Variants in PHLDA3 observed in about 807,000 individuals in gnomAD.
The protein encoded by PHLDA3 is pleckstrin homology-like domain family A member 3.
In PHLDA3, 12 loss-of-function variants were observed where a neutral mutation model predicts 7.6. The observed-to-expected ratio is 1.58, with a 90% confidence interval of 1.01 to 2.55. The LOEUF is 2.55. Ranked by LOEUF, PHLDA3 falls within the 30% of genes most tolerant of loss-of-function variation. PHLDA3 has a pLI of 0.00. For missense variants in PHLDA3, 177 were observed against 175.6 expected, an observed-to-expected ratio of 1.01 and a Z score of -0.05; for synonymous variants, 104 against 85.1, an observed-to-expected ratio of 1.22 and a Z score of -1.23.
chr1:201,467,700 G>A (rs1223212634), intron 1 of PHLDA3: 1 of 151,730 alleles, frequency 6.6e-6, no homozygotes, highest in Non-Finnish European at 1.4e-5. Flanking sequence ...AGGAGGAGCT[G>A]GATCCCTCAG....
At chr1:201,468,218 G>A in intron 1 of PHLDA3, 123 bp downstream of exon 1, 8 of 720,686 alleles carry the variant, frequency 1.1e-5, no homozygotes, top group Non-Finnish European at 1.7e-5. Flanking sequence ...GCCCTCAGTT[G>A]GCCCCAGGAA....
chr1:201,468,236 C>T lies in PHLDA3; in HGVS notation c.*62+105G>A, dbSNP rs540924562. The T allele has an allele frequency of 2.0e-4, 168 of 851,080 alleles. No homozygotes were observed. In the African/African-American group the frequency reaches 2.5e-3, roughly 13 times the overall value. 52.7% of individuals were successfully genotyped at this position (851,080 alleles called of 1,614,324 possible). ...CTCAGTTGGCCCCAGGAACCTCCCCCCTAAGATGTCCGGCTCTGAAGTAGA... is the reference window on the plus strand; with the variant it reads ...CTCAGTTGGCCCCAGGAACCTCCCCTCTAAGATGTCCGGCTCTGAAGTAGA... On this transcript the variant is annotated intron_variant, in intron 1 of 1. Transcript: ENST00000367311.
At chr1:201,466,639 C>G (rs1663671800) in intron 1 of PHLDA3, 1 of 152,192 alleles carries the variant, frequency 6.6e-6, no homozygotes, top group Non-Finnish European at 1.5e-5. Context: ...CTACTTCTCA[C>G]AAGAAGGGAG....
At chr1:201,466,288 G>T in intron 1 of PHLDA3, 110 bp from the exon 2 acceptor site, 1 of 152,352 alleles carries the variant, frequency 6.6e-6, no homozygotes. Flanking sequence ...CATAAACATG[G>T]AAAACATTTT....
At chr1:201,466,739 C>T (rs796088114) in intron 1 of PHLDA3, 70 of 152,320 alleles carry the variant, frequency 4.6e-4, no homozygotes, top group African/African-American at 1.6e-3. Context: ...GACCACAAAT[C>T]CGCCCCCCAC....
intron 1 of PHLDA3, chr1:201,467,639 T>TACACACACACACACACACACAC: frequency 7.1e-6 from 1 of 140,018 alleles, no homozygotes; most frequent in Admixed American, 7.1e-5. Context: ...CAACAAACCA[T>TACACACACACACACACACACAC]ACACACACAC....
At position 201,465,839 on chromosome 1, in the gene PHLDA3, TG is replaced by T. The variant is rs1288055507; in HGVS notation, c.*401del. 1 of 154,900 alleles carries T rather than the reference TG, an allele frequency of 6.5e-6. No homozygotes were observed. Among genetic ancestry groups the T allele is most frequent in the African/African-American group, 2.4e-5 (1 of 41,486 alleles). The allele number at this position is 154,900 out of a possible 1,614,324, so 9.6% of individuals were successfully genotyped here. A position where few individuals can be genotyped will look rare whatever the true frequency, so the allele number is the denominator to read the frequency against. On this transcript the variant is annotated 3_prime_UTR_variant, in exon 2 of 2. Transcript: ENST00000367311. Reference sequence around the variant, plus strand: ...CCTGAGGCGTTGGCTCGGCACCCCATGGGGGACTGCCCTCCTCCAGGCCTGG... The same window carrying T: ...CCTGAGGCGTTGGCTCGGCACCCCATGGGGACTGCCCTCCTCCAGGCCTGG...
Position 201,468,800 on chromosome 1 carries a change from T to A in PHLDA3, c.-14A>T. ...CGCCGCCGTCATGGGCGCCCCGAGG[T>A]TCGCGGAAAGCTCCAGGCTGCGGCG... On this transcript the variant is annotated 5_prime_UTR_variant, in exon 1 of 2. Transcript: ENST00000367311. 6.5e-7 allele frequency: 1 copy of A among 1,533,598 alleles called. No homozygotes were observed. 95.0% of individuals were successfully genotyped at this position (1,533,598 alleles called of 1,614,324 possible).
chr1:201,468,463 C>T lies in PHLDA3; in HGVS notation c.324G>A (p.Gln108=). Residue 108 remains glutamine, a synonymous_variant, in exon 1 of 2, where the codon CAG becomes CAA. Coordinates refer to ENST00000367311, the MANE Select transcript of PHLDA3 (RefSeq NM_012396.5). ...ITLGLVKFKN[Q]QAIQTVRARQ... Reference sequence around the variant, plus strand: ...GGGCCCGCACTGTCTGGATGGCCTGCTGGTTCTTGAACTTGACCAGGCCTA... The same window carrying T: ...GGGCCCGCACTGTCTGGATGGCCTGTTGGTTCTTGAACTTGACCAGGCCTA... The T allele has an allele frequency of 6.2e-6, 10 of 1,614,174 alleles. No homozygotes were observed. The highest frequency in any genetic ancestry group is 8.5e-6 in the Non-Finnish European group (10 of 1,180,014).
rs1663757635 is a variant in PHLDA3, at chr1:201,468,988, C to T, written c.-202G>A. 3 of 485,284 alleles carry T rather than the reference C, an allele frequency of 6.2e-6. No individual in the cohort carries two copies. Among genetic ancestry groups the T allele is most frequent in the Non-Finnish European group, 9.9e-6 (3 of 302,358 alleles). The allele number at this position is 485,284 out of a possible 1,614,324, so 30.1% of individuals were successfully genotyped here. On this transcript the variant is annotated 5_prime_UTR_variant, in exon 1 of 2. Transcript: ENST00000367311. ...GTGTCGGTGCCCCCAGCGCGCTCCGCGCCCACCGCCCCGCTTCAGCCGGCA... is the reference window on the plus strand; with the variant it reads ...GTGTCGGTGCCCCCAGCGCGCTCCGTGCCCACCGCCCCGCTTCAGCCGGCA...
rs1224620441 is a variant in PHLDA3 at position 201,464,332 on chromosome 1, C to G, written c.*1909G>C. On this transcript the variant is annotated 3_prime_UTR_variant, in exon 2 of 2. Transcript: ENST00000367311. ...CTGATTAGGGTTGCATAAACAGACG[C>G]TTATTTGCCATGGTGGGATTAAGCC... 1.3e-5 allele frequency: 2 copies of G among 152,210 alleles called. No homozygotes were observed. The highest frequency in any genetic ancestry group is 3.8e-4 in the East Asian group (2 of 5,200). 9.4% of individuals were successfully genotyped at this position (152,210 alleles called of 1,614,324 possible). A position where few individuals can be genotyped will look rare whatever the true frequency, so the allele number is the denominator to read the frequency against.
rs551285174 is a variant in PHLDA3, at chr1:201,468,253, T to C, written c.*62+88A>G. On this transcript the variant is annotated intron_variant, in intron 1 of 1. Transcript: ENST00000367311. ...ACCTCCCCCCTAAGATGTCCGGCTC[T>C]GAAGTAGAATGCTAGTCCTCATTCT... The C allele has an allele frequency of 1.8e-3, 1,688 of 959,766 alleles. 7 individuals carry two copies. Among genetic ancestry groups the C allele is most frequent in the Non-Finnish European group, 2.4e-3 (1,593 of 657,308 alleles). The allele number at this position is 959,766 out of a possible 1,614,324, so 59.5% of individuals were successfully genotyped here. A position where few individuals can be genotyped will look rare whatever the true frequency, so the allele number is the denominator to read the frequency against.
rs1663628260 is a variant in PHLDA3 at position 201,465,078 on chromosome 1, C to T, written c.*1163G>A. 1 of 152,236 alleles carries T rather than the reference C, an allele frequency of 6.6e-6. No homozygotes were observed. Among genetic ancestry groups the T allele is most frequent in the Non-Finnish European group, 1.5e-5 (1 of 68,066 alleles). 9.4% of individuals were successfully genotyped at this position (152,236 alleles called of 1,614,324 possible). On this transcript the variant is annotated 3_prime_UTR_variant, in exon 2 of 2. Coordinates refer to ENST00000367311, the MANE Select transcript of PHLDA3 (RefSeq NM_012396.5). ...CCACCCACCTCAGCCTCCCAAAGTC[C>T]TTGGATTACAGTTGTGAGCCACCGT...
At position 201,468,387 on chromosome 1, in the gene PHLDA3, T is replaced by C. The variant is rs1254511171; in HGVS notation, c.*16A>G. On this transcript the variant is annotated 3_prime_UTR_variant, in exon 1 of 2. Transcript: ENST00000367311. ...GGTGGTGGGTAGCATGAAGGAAAGA[T>C]GGTGCGCCCGGTGGTTTAGGACACG... 1.2e-6 allele frequency: 2 copies of C among 1,613,640 alleles called. No individual in the cohort carries two copies. Among genetic ancestry groups the C allele is most frequent in the Non-Finnish European group, 1.7e-6 (2 of 1,179,848 alleles).
chr1:201,468,795 C>T lies in PHLDA3; in HGVS notation c.-9G>A, dbSNP rs1380319965. 1.3e-6 allele frequency: 2 copies of T among 1,535,972 alleles called. No individual in the cohort carries two copies. Reference sequence around the variant, plus strand: ...GTCGCCGCCGCCGTCATGGGCGCCCCGAGGTTCGCGGAAAGCTCCAGGCTG... The same window carrying T: ...GTCGCCGCCGCCGTCATGGGCGCCCTGAGGTTCGCGGAAAGCTCCAGGCTG... On this transcript the variant is annotated 5_prime_UTR_variant, in exon 1 of 2. Coordinates refer to ENST00000367311, the MANE Select transcript of PHLDA3 (RefSeq NM_012396.5).
At position 201,467,633 on chromosome 1, in the gene PHLDA3, AAAC is replaced by A. The variant is rs1180970270; in HGVS notation, c.*62+705_*62+707del. The A allele has an allele frequency of 2.4e-5, 3 of 126,096 alleles. No individual in the cohort carries two copies. The East Asian group carries it at 8.2e-4, about 34-fold the overall frequency. The allele number at this position is 126,096 out of a possible 1,614,324, so 7.8% of individuals were successfully genotyped here. On this transcript the variant is annotated intron_variant, in intron 1 of 1. Coordinates refer to ENST00000367311, the MANE Select transcript of PHLDA3 (RefSeq NM_012396.5). ...CTCAAACAACAACAACAACAACAAC[AAAC>A]CATACACACACACACACACACACAC...
intron 1 of PHLDA3, among the ~76,000 whole-genome samples, chr1:201,467,883 G>A (rs1663709334): frequency 6.6e-6 from 1 of 152,210 alleles, no homozygotes; most frequent in Admixed American, 6.5e-5. Context: ...ATTCAACCTA[G>A]AGGGAAAGAG....
rs961984133 is a variant in PHLDA3 at position 201,464,623 on chromosome 1, T to A, written c.*1618A>T. ...TGCTGAATGGGGCCACTGAGCCTCC[T>A]TGCTCCCTCCAGAGAGACCCTGTAG... is the stretch of plus-strand genomic sequence containing the variant. On this transcript the variant is annotated 3_prime_UTR_variant, in exon 2 of 2. Transcript: ENST00000367311. 2.0e-4 allele frequency: 31 copies of A among 152,272 alleles called. No homozygotes were observed. Among genetic ancestry groups the A allele is most frequent in the Middle Eastern group, 3.4e-3 (1 of 294 alleles). The allele number at this position is 152,272 out of a possible 1,614,324, so 9.4% of individuals were successfully genotyped here.
chr1:201,464,460 T>C lies in PHLDA3; in HGVS notation c.*1781A>G, dbSNP rs968113392. Reference sequence around the variant, plus strand: ...TCAACTGTGTGATGTAATTCACACATCAGATGAGCAAGTTGAACCTCTTGT... The same window carrying C: ...TCAACTGTGTGATGTAATTCACACACCAGATGAGCAAGTTGAACCTCTTGT... On this transcript the variant is annotated 3_prime_UTR_variant, in exon 2 of 2. Transcript: ENST00000367311. The C allele has an allele frequency of 1.3e-5, 2 of 152,226 alleles. No homozygotes were observed. The highest frequency in any genetic ancestry group is 4.8e-5 in the African/African-American group (2 of 41,440). The allele number at this position is 152,226 out of a possible 1,614,324, so 9.4% of individuals were successfully genotyped here.
Sources: gnomAD v4.1 joint callset for allele counts (sites outside exome capture counted in the v4.1 genomes callset) on GRCh38, gnomAD v4.1.1 for gene constraint, MANE v1.5 for transcripts, NCBI Gene and HGNC (gene_info 2026-07-23, HGNC 2026-07-21) for gene names.